Variants in LRGUK observed in about 807,000 individuals in gnomAD.
The protein encoded by LRGUK is leucine-rich repeat and guanylate kinase domain-containing protein.
Under a neutral mutation model 76.0 loss-of-function variants are expected in LRGUK, and 65 were observed. The ratio of observed to expected loss-of-function variants is 0.85; its 90% CI spans 0.70 to 1.05. LRGUK has a LOEUF of 1.05. Ranked by LOEUF, LRGUK falls within the 50% of genes least tolerant of loss-of-function variation. LRGUK has a pLI of 0.00. For synonymous variants in LRGUK, 268 were observed against 265.6 expected, an observed-to-expected ratio of 1.01 and a Z score of -0.09; for missense variants, 758 against 732.8, an observed-to-expected ratio of 1.03 and a Z score of -0.40.
exon 16 of LRGUK, chr7:134,209,430 G>A (rs1315183806): frequency 1.5e-5 from 6 of 398,904 alleles, no homozygotes; most frequent in East Asian, 3.6e-5. Flanking sequence ...GAAGCCATCC[G>A]AGTCAGTATC....
At chr7:134,223,497 G>C (rs1424113219) in intron 16 of LRGUK, among the ~76,000 whole-genome samples, 6 of 152,190 alleles carry the variant, frequency 3.9e-5, no homozygotes, top group Non-Finnish European at 8.8e-5. Flanking sequence ...ACTGAGTGTA[G>C]GAAAGTCATA....
At chr7:134,171,507 G>C (rs1799247100) in intron 7 of LRGUK, among the ~76,000 whole-genome samples, 1 of 151,828 alleles carries the variant, frequency 6.6e-6, no homozygotes, top group African/African-American at 2.4e-5. Flanking sequence ...AAAGACTTTA[G>C]TAGTTCCCTT....
chr7:134,163,513 G>T (rs1287508717), exon 7 of LRGUK: 1 of 1,613,250 alleles, frequency 6.2e-7, no homozygotes, highest in Admixed American at 1.7e-5. Context: ...ATGACCTCCT[G>T]GAAGTGATCA....
At chr7:134,195,476 A>G (rs1800439346) in intron 12 of LRGUK, among the ~76,000 whole-genome samples, 2 of 152,162 alleles carry the variant, frequency 1.3e-5, no homozygotes, top group African/African-American at 4.8e-5. Flanking sequence ...GATCTCTTTC[A>G]TTGTCTCAGT....
intron 1 of LRGUK, among the ~76,000 whole-genome samples, chr7:134,132,344 G>T (rs1378653844): frequency 3.3e-5 from 5 of 151,958 alleles, no homozygotes; most frequent in Non-Finnish European, 5.9e-5. Flanking sequence ...GACAGAGAAA[G>T]ACCTTGTCTC....
chr7:134,138,335 G>T (rs75475926), intron 2 of LRGUK, among the ~76,000 whole-genome samples: 4 of 152,046 alleles, frequency 2.6e-5, no homozygotes, highest in African/African-American at 9.7e-5. Context: ...GATATTACAC[G>T]TTGAATTACT....
chr7:134,158,118 A>G lies in LRGUK; in HGVS notation c.754A>G (p.Ile252Val), dbSNP rs35615395. 6,510 of 1,613,122 alleles carry G rather than the reference A, an allele frequency of 4.0e-3. 246 individuals carry two copies. In the African/African-American group the frequency reaches 0.078, roughly 19 times the overall value. The change falls in exon 6 of 16, where the codon ATT (isoleucine) becomes GTT (valine). Residue 252 changes from isoleucine to valine, a missense_variant. Ile to Val is a conservative substitution (Grantham distance 29, BLOSUM62 3). Transcript: ENST00000645682. Reference sequence around the variant, plus strand: ...TTTGGCCAACAATAAGATCACGACAATTAATGGCTTAAACAAGTTACCAAT... The same window carrying G: ...TTTGGCCAACAATAAGATCACGACAGTTAATGGCTTAAACAAGTTACCAAT...
At chr7:134,153,928 T>G (rs980632161) in intron 5 of LRGUK, among the ~76,000 whole-genome samples, 2 of 152,246 alleles carry the variant, frequency 1.3e-5, no homozygotes, top group African/African-American at 4.8e-5. Flanking sequence ...ATTTTATGAT[T>G]GTAGACAAAC....
chr7:134,165,956 C>T (rs887817922), intron 7 of LRGUK, among the ~76,000 whole-genome samples: 6 of 152,136 alleles, frequency 3.9e-5, no homozygotes, highest in Non-Finnish European at 8.8e-5. Context: ...AAAGTGGCCA[C>T]GTGTCCCAAA....
chr7:134,154,397 A>C (rs1324743345), intron 5 of LRGUK, among the ~76,000 whole-genome samples: 1 of 152,182 alleles, frequency 6.6e-6, no homozygotes, highest in African/African-American at 2.4e-5. Context: ...GGGGAGATAA[A>C]GATATTGAAG....
At chr7:134,257,005 G>T (rs1030087106) in intron 18 of LRGUK, among the ~76,000 whole-genome samples, 1 of 152,182 alleles carries the variant, frequency 6.6e-6, no homozygotes, top group Non-Finnish European at 1.5e-5. Context: ...GATGGGGACT[G>T]CACTGGTCAG....
intron 5 of LRGUK, among the ~76,000 whole-genome samples, chr7:134,150,166 T>C (rs1336818879): frequency 6.6e-6 from 1 of 151,910 alleles, no homozygotes; most frequent in African/African-American, 2.4e-5. Flanking sequence ...TCCCAGCTAC[T>C]TGGGAGGCTG....
chr7:134,258,179 T>A (rs1802630662), intron 18 of LRGUK, 78 bp from the exon 19 acceptor site: 2 of 1,561,790 alleles, frequency 1.3e-6, no homozygotes, highest in Admixed American at 1.7e-5. Context: ...CCCAGTGAAG[T>A]CATAGGCATA....
At chr7:134,213,406 T>C (rs1456174016), downstream of LRGUK, among the ~76,000 whole-genome samples, 1 of 152,032 alleles carries the variant, frequency 6.6e-6, no homozygotes, top group Non-Finnish European at 1.5e-5. Context: ...AATATTTAGA[T>C]TGCATGTGGG....
chr7:134,133,435 C>T (rs1441212536), intron 1 of LRGUK, among the ~76,000 whole-genome samples: 3 of 152,264 alleles, frequency 2.0e-5, no homozygotes, highest in Admixed American at 6.5e-5. Flanking sequence ...TGCTCATAGT[C>T]AGCAGACACT....
intron 18 of LRGUK, among the ~76,000 whole-genome samples, chr7:134,252,456 CAA>C (rs932073912): frequency 1.3e-5 from 2 of 152,134 alleles, no homozygotes; most frequent in Admixed American, 6.5e-5. Context: ...GAACTCAGCC[CAA>C]GATGGTAAGA....
chr7:134,239,852 T>G (rs1802097890), intron 16 of LRGUK, among the ~76,000 whole-genome samples: 1 of 152,184 alleles, frequency 6.6e-6, no homozygotes, highest in Non-Finnish European at 1.5e-5. Context: ...GAGACGAAGC[T>G]TCCAGAGGAA....
Position 134,156,872 on chromosome 7 carries a change from G to A in LRGUK, c.671-1163G>A, listed in dbSNP as rs545677251. Among the ~76,000 whole-genome samples, 4 of 152,290 alleles carry A rather than the reference G, an allele frequency of 2.6e-5. No individual in the cohort carries two copies. The East Asian group carries it at 5.8e-4, about 22-fold the overall frequency. On this transcript the variant is annotated intron_variant, in intron 5 of 15. Transcript: ENST00000645682. ...TAAAAAGGAAAGAAATCATTAAAGA[G>A]ATATTTTAAGGCAAAAAAATGGCAG...
chr7:134,145,533 T>G (rs763357545), intron 4 of LRGUK, among the ~76,000 whole-genome samples: 46 of 152,124 alleles, frequency 3.0e-4, no homozygotes, highest in African/African-American at 9.2e-4. Context: ...AGGTGTGAGC[T>G]GCTGCGCCTG....
Sources: gnomAD v4.1 joint callset for allele counts (sites outside exome capture counted in the v4.1 genomes callset) on GRCh38, gnomAD v4.1.1 for gene constraint, MANE v1.5 for transcripts, NCBI Gene and HGNC (gene_info 2026-07-23, HGNC 2026-07-21) for gene names.